Variants in USP48 observed in about 807,000 individuals in gnomAD.
The protein encoded by USP48 is ubiquitin specific peptidase 48, also known as ubiquitin carboxyl-terminal hydrolase 48.
Under a neutral mutation model 150.7 loss-of-function variants are expected in USP48, and 43 were observed. The observed-to-expected ratio is 0.29, with a 90% CI of 0.22 to 0.37. The LOEUF (loss-of-function observed/expected upper bound fraction) is 0.37, where lower values mean the gene tolerates loss of function less well. USP48 is among the 10% of genes least tolerant of loss of function. The probability of loss-of-function intolerance (pLI) is 1.00; values close to 1 mark genes in which losing one functional copy is unlikely to be tolerated. For synonymous variants in USP48, 396 were observed against 425.9 expected (o/e 0.93, Z 0.86); for missense variants, 813 against 1,249.6 (o/e 0.65, Z 5.27).
chr1:21,756,954 C>A (rs61777161), intron 2 of USP48: 350 of 985,236 alleles, frequency 3.6e-4, no homozygotes, highest in Middle Eastern at 5.2e-4. Context: ...TCTTCTCCAG[C>A]CACTTAAATC....
intron 15 of USP48, among the ~76,000 whole-genome samples, chr1:21,710,619 C>T (rs2097687597): frequency 1.3e-5 from 2 of 151,998 alleles, no homozygotes; most frequent in Non-Finnish European, 2.9e-5. Context: ...GAATATAATC[C>T]AATGACTAAT....
rs187389148 is a variant in USP48, at chr1:21,743,197, G to A, written c.991+3870C>T. Among the ~76,000 whole-genome samples, 53 of 152,242 alleles carry A rather than the reference G, an allele frequency of 3.5e-4. 1 individual carries two copies. Among genetic ancestry groups the A allele is most frequent in the Non-Finnish European group, 2.9e-5 (2 of 68,010 alleles). ...GGTAAGGAAGAGGGGAAGAGAAAAG[G>A]AAAGGAGGCTGAAGAGGAACCAAAG... On this transcript the variant is annotated intron_variant, in intron 8 of 26. Transcript: ENST00000308271.
At chr1:21,704,599 A>T in intron 19 of USP48, 1 of 469,438 alleles carries the variant, frequency 2.1e-6, no homozygotes, top group Non-Finnish European at 3.6e-6. Flanking sequence ...CTGAAATTAC[A>T]TGAATCAACA....
At chr1:21,737,736 A>C (rs556386152) in intron 8 of USP48, among the ~76,000 whole-genome samples, 1 of 152,206 alleles carries the variant, frequency 6.6e-6, no homozygotes, top group African/African-American at 2.4e-5. Flanking sequence ...TTTTCACATC[A>C]TTATTCTTCT....
At chr1:21,737,898 A>C (rs969622537) in intron 8 of USP48, among the ~76,000 whole-genome samples, 13 of 150,942 alleles carry the variant, frequency 8.6e-5, no homozygotes, top group Non-Finnish European at 1.8e-4. Flanking sequence ...GATCTTTGAC[A>C]ATTTTTTTTT....
chr1:21,712,220 G>C (rs932591862), intron 15 of USP48, among the ~76,000 whole-genome samples: 4 of 152,182 alleles, frequency 2.6e-5, no homozygotes, highest in African/African-American at 9.7e-5. Flanking sequence ...TTAACTGGGA[G>C]TGGTGGCACA....
chr1:21,724,600 G>A (rs2097731296), intron 11 of USP48: 1 of 160,452 alleles, frequency 6.2e-6, no homozygotes. Context: ...CCACACTTCA[G>A]AAGACGCTTT....
intron 6 of USP48, among the ~76,000 whole-genome samples, chr1:21,748,602 G>A (rs1557561000): frequency 1.3e-5 from 2 of 152,196 alleles, no homozygotes; most frequent in Non-Finnish European, 2.9e-5. Flanking sequence ...GTATTTTGAT[G>A]CAACATTCAT....
chr1:21,701,675 G>GGGA, intron 21 of USP48, 73 bp from the exon 22 acceptor site: 1 of 1,240,342 alleles, frequency 8.1e-7, no homozygotes, highest in Non-Finnish European at 1.2e-6. Context: ...TGTGGGGGCT[G>GGGA]GGACCGGCAA....
chr1:21,720,902 C>T (rs964638508), intron 14 of USP48, 134 bp downstream of exon 14: 468 of 1,187,644 alleles, frequency 3.9e-4, no homozygotes, highest in Admixed American at 2.2e-4. Context: ...CTGGCACAAC[C>T]GCTGGGCTCA....
At chr1:21,764,259 G>A (rs759063605) in intron 1 of USP48, among the ~76,000 whole-genome samples, 30 of 152,004 alleles carry the variant, frequency 2.0e-4, no homozygotes, top group African/African-American at 6.5e-4. Flanking sequence ...CCAATATGGC[G>A]AAAACCCATC....
chr1:21,705,629 A>G, intron 19 of USP48, 98 bp downstream of exon 19: 1 of 912,144 alleles, frequency 1.1e-6, no homozygotes, highest in Non-Finnish European at 1.6e-6. Context: ...AAATTCTTAA[A>G]ACAGACTATG....
chr1:21,775,294 C>T (rs1039561214), intron 1 of USP48, among the ~76,000 whole-genome samples: 5 of 152,084 alleles, frequency 3.3e-5, no homozygotes, highest in Non-Finnish European at 7.3e-5. Flanking sequence ...CAGAGTCTCA[C>T]TCTGTCACCC....
chr1:21,708,809 C>G (rs1008869398), intron 15 of USP48, among the ~76,000 whole-genome samples: 12 of 139,264 alleles, frequency 8.6e-5, no homozygotes, highest in African/African-American at 3.2e-4. Flanking sequence ...CGCTTGAACC[C>G]GGGAGGCAGA....
chr1:21,767,156 C>T (rs1268309451), intron 1 of USP48, among the ~76,000 whole-genome samples: 1 of 152,160 alleles, frequency 6.6e-6, no homozygotes, highest in Non-Finnish European at 1.5e-5. Flanking sequence ...CTCAGGTGAT[C>T]TTCCCACCTC....
At chr1:21,727,704 G>C (rs1295462270) in intron 11 of USP48, 1 of 216,506 alleles carries the variant, frequency 4.6e-6, no homozygotes, top group African/African-American at 2.3e-5. Flanking sequence ...CAGAGTTAAA[G>C]TAACAGATTA....
chr1:21,718,577 G>A (rs1002502635), intron 14 of USP48, among the ~76,000 whole-genome samples: 2 of 103,568 alleles, frequency 1.9e-5, no homozygotes, highest in Admixed American at 2.1e-4. Flanking sequence ...TTTTTTTTTT[G>A]AGACGGTGTC....
chr1:21,765,901 C>CAAAAAAA (rs199539331), intron 1 of USP48, among the ~76,000 whole-genome samples: 2 of 112,152 alleles, frequency 1.8e-5, no homozygotes, highest in African/African-American at 8.2e-5. Flanking sequence ...ACTCCATCTC[C>CAAAAAAA]AAAAAAAAAA....
At chr1:21,724,208 AG>A in intron 11 of USP48, 113 bp from the exon 12 acceptor site, 1 of 1,068,032 alleles carries the variant, frequency 9.4e-7, no homozygotes, top group Non-Finnish European at 1.4e-6. Context: ...TAGCAGAATC[AG>A]AAGAATCATT....
Sources: gnomAD v4.1 joint callset for allele counts (sites outside exome capture counted in the v4.1 genomes callset) on GRCh38, gnomAD v4.1.1 for gene constraint, MANE v1.5 for transcripts, NCBI Gene and HGNC (gene_info 2026-07-23, HGNC 2026-07-21) for gene names.